Variants in PTPRD observed in about 807,000 individuals in gnomAD.
PTPRD encodes the protein receptor-type tyrosine-protein phosphatase delta.
Under a neutral mutation model 214.5 loss-of-function variants are expected in PTPRD, and 34 were observed. That is an observed-to-expected ratio of 0.16 (90% confidence interval 0.12 to 0.21). The LOEUF (loss-of-function observed/expected upper bound fraction) is 0.21. Ranked by LOEUF, PTPRD falls within the 10% of genes least tolerant of loss-of-function variation. PTPRD has a pLI of 1.00. For synonymous variants in PTPRD, 1,128 were observed against 845.7 expected (o/e 1.33, Z -5.79); for missense variants, 2,545 against 2,398.7 (o/e 1.06, Z -1.27).
chr9:10,127,225 C>T (rs977134409), intron 3 of PTPRD, among the ~76,000 whole-genome samples: 29 of 152,108 alleles, frequency 1.9e-4, no homozygotes, highest in South Asian at 8.3e-4. Flanking sequence ...CTGACACAAA[C>T]GGTGCCAGAG....
At chr9:10,030,148 T>C (rs2097028236) in intron 4 of PTPRD, among the ~76,000 whole-genome samples, 1 of 152,210 alleles carries the variant, frequency 6.6e-6, no homozygotes, top group Admixed American at 6.5e-5. Flanking sequence ...CGCTTTCTTT[T>C]GTAAATTGCC....
intron 11 of PTPRD, among the ~76,000 whole-genome samples, chr9:8,765,764 T>C (rs1044037157): frequency 1.2e-4 from 18 of 152,302 alleles, no homozygotes; most frequent in Non-Finnish European, 2.1e-4. Context: ...CAGAAAAAGC[T>C]AACTACTACA....
chr9:9,559,501 T>C (rs1237204360), intron 8 of PTPRD, among the ~76,000 whole-genome samples: 2 of 152,236 alleles, frequency 1.3e-5, no homozygotes, highest in African/African-American at 4.8e-5. Flanking sequence ...GTTAACTACA[T>C]GTAGGGCTTG....
chr9:9,529,648 G>A (rs116848089), intron 8 of PTPRD, among the ~76,000 whole-genome samples: 2,132 of 152,034 alleles, frequency 0.014, 15 homozygotes, highest in Non-Finnish European at 0.021. Flanking sequence ...AGATTTTACT[G>A]AAGATAAACA....
At chr9:10,422,711 T>C (rs996776281) in intron 2 of PTPRD, among the ~76,000 whole-genome samples, 6 of 152,094 alleles carry the variant, frequency 3.9e-5, no homozygotes, top group Middle Eastern at 3.2e-3. Flanking sequence ...AAAGTGCTCG[T>C]CATCACTGGC....
At chr9:8,818,455 G>A (rs1283260798) in intron 11 of PTPRD, among the ~76,000 whole-genome samples, 1 of 152,182 alleles carries the variant, frequency 6.6e-6, no homozygotes, top group Non-Finnish European at 1.5e-5. Flanking sequence ...GCCAGGTAGT[G>A]TCCTAAGAGC....
intron 44 of PTPRD, among the ~76,000 whole-genome samples, chr9:8,324,142 G>C (rs1034951504): frequency 1.1e-4 from 17 of 150,664 alleles, no homozygotes; most frequent in African/African-American, 4.2e-4. Flanking sequence ...GGGTAGATGA[G>C]AAAAAAGTGC....
intron 10 of PTPRD, among the ~76,000 whole-genome samples, chr9:9,019,968 A>G (rs1332884615): frequency 1.3e-5 from 2 of 152,100 alleles, no homozygotes; most frequent in Non-Finnish European, 2.9e-5. Context: ...ACATTAATTC[A>G]TTTGTGTAAA....
chr9:10,599,095 G>A (rs1176473001), intron 2 of PTPRD, among the ~76,000 whole-genome samples: 3 of 151,560 alleles, frequency 2.0e-5, no homozygotes, highest in African/African-American at 7.3e-5. Flanking sequence ...TTTGTGCGGC[G>A]AAATTGGACC....
chr9:9,763,871 A>T (rs1207097882), intron 6 of PTPRD, among the ~76,000 whole-genome samples: 1 of 152,168 alleles, frequency 6.6e-6, no homozygotes, highest in Non-Finnish European at 1.5e-5. Flanking sequence ...ACACAATCAC[A>T]TTGAAATATT....
intron 2 of PTPRD, among the ~76,000 whole-genome samples, chr9:10,543,477 T>TACACACACAC (rs370246328): frequency 0.015 from 2,130 of 141,328 alleles, 22 homozygotes; most frequent in African/African-American, 0.036. Flanking sequence ...AATATATATA[T>TACACACACAC]ATACACACAC....
chr9:8,996,412 G>A (rs1194720211), intron 11 of PTPRD, among the ~76,000 whole-genome samples: 1 of 152,040 alleles, frequency 6.6e-6, no homozygotes, highest in Admixed American at 6.6e-5. Context: ...ATGATGTTCT[G>A]GAAAAAGAAA....
intron 4 of PTPRD, among the ~76,000 whole-genome samples, chr9:9,962,137 T>C (rs1391374892): frequency 1.3e-5 from 2 of 152,160 alleles, no homozygotes; most frequent in African/African-American, 4.8e-5. Context: ...AAGTTAATGA[T>C]TAAAAGAATA....
In PTPRD at chr9:8,340,459, C is replaced by A. The variant is rs1485033877; in HGVS notation, c.5137G>T (p.Ala1713Ser). The change falls in exon 42 of 46, where the codon GCC becomes TCC. Residue 1713 changes from alanine (A) to serine (S), a missense_variant. By Grantham distance (99) the Ala-to-Ser change is moderately conservative (BLOSUM62 1). Transcript: ENST00000381196. ...AAGGGCCCCTGGGTAGCGATGTAGG[C>A]TTTCTGTTGTCTGAATTACAGAGAA... ...SFIDGYRQQK[A>S]YIATQGPLAE... 6.9e-6 allele frequency: 11 copies of A among 1,593,770 alleles called. No individual in the cohort carries two copies. The highest frequency in any genetic ancestry group is 9.4e-6 in the Non-Finnish European group (11 of 1,165,576).
intron 7 of PTPRD, among the ~76,000 whole-genome samples, chr9:9,615,730 A>C (rs1225787218): frequency 1.3e-5 from 2 of 152,208 alleles, no homozygotes; most frequent in African/African-American, 4.8e-5. Flanking sequence ...CCTTTGTGCC[A>C]GGCTCTTTAC....
chr9:9,110,267 T>C (rs2099804195), intron 10 of PTPRD, among the ~76,000 whole-genome samples: 1 of 152,004 alleles, frequency 6.6e-6, no homozygotes, highest in African/African-American at 2.4e-5. Context: ...GCACACGTCT[T>C]TAGGTCAGTT....
At chr9:8,726,903 G>A (rs1305235981) in intron 12 of PTPRD, among the ~76,000 whole-genome samples, 1 of 151,580 alleles carries the variant, frequency 6.6e-6, no homozygotes, top group African/African-American at 2.4e-5. Flanking sequence ...CCCAGGAAGT[G>A]GAGGTTGCAG....
chr9:10,541,408 T>G (rs968194735), intron 2 of PTPRD, among the ~76,000 whole-genome samples: 1 of 152,290 alleles, frequency 6.6e-6, no homozygotes, highest in East Asian at 1.9e-4. Flanking sequence ...ATTATTTCAT[T>G]TAATCATAAA....
chr9:8,428,649 G>A (rs1284239416), intron 35 of PTPRD, among the ~76,000 whole-genome samples: 1 of 152,008 alleles, frequency 6.6e-6, no homozygotes, highest in Non-Finnish European at 1.5e-5. Flanking sequence ...AAAATCCAGT[G>A]CATTCGAAGT....
Sources: allele counts gnomAD v4.1 joint callset (sites outside exome capture counted in the v4.1 genomes callset), GRCh38; gene constraint gnomAD v4.1.1; transcripts MANE v1.5; gene names NCBI Gene and HGNC (gene_info 2026-07-23, HGNC 2026-07-21).